The following SH3RF1 variants were observed in gnomAD, a reference collection of about 807,000 sequenced individuals.
SH3RF1 encodes SH3 domain containing ring finger 1, also known as E3 ubiquitin-protein ligase SH3RF1.
A neutral mutation model predicts 74.0 loss-of-function variants in SH3RF1; 32 were observed. That is an observed-to-expected ratio of 0.43 (90% CI 0.33 to 0.58). SH3RF1 has a LOEUF of 0.58. Ranked by LOEUF, SH3RF1 falls within the 20% of genes least tolerant of loss-of-function variation. The pLI, the probability that SH3RF1 is intolerant of heterozygous loss-of-function variation, is 0.05. For synonymous variants in SH3RF1, 396 were observed against 439.6 expected, an observed-to-expected ratio of 0.90 and a Z score of 1.24; for missense variants, 954 against 1,130.9, an observed-to-expected ratio of 0.84 and a Z score of 2.24.
chr4:169,209,387 T>C (rs942276221), intron 2 of SH3RF1, among the ~76,000 whole-genome samples: 1 of 152,088 alleles, frequency 6.6e-6, no homozygotes. Flanking sequence ...TCATCCGGGA[T>C]GCTTTCCCTG....
chr4:169,211,847 A>G (rs1730378950), intron 2 of SH3RF1, among the ~76,000 whole-genome samples: 2 of 152,166 alleles, frequency 1.3e-5, no homozygotes, highest in Non-Finnish European at 2.9e-5. Context: ...CATCTGGATA[A>G]CTGCACTCCT....
intron 4 of SH3RF1, among the ~76,000 whole-genome samples, chr4:169,145,502 T>TCAC (rs1376145537): frequency 6.6e-6 from 1 of 151,060 alleles, no homozygotes; most frequent in Non-Finnish European, 1.5e-5. Context: ...AGCCCAAACC[T>TCAC]CACCAATATG....
intron 6 of SH3RF1, 24 bp downstream of exon 6, chr4:169,130,021 TA>T: frequency 6.3e-7 from 1 of 1,589,670 alleles, no homozygotes; most frequent in Non-Finnish European, 8.6e-7. Flanking sequence ...AAAAGAGAAA[TA>T]AAAATGGGAG....
chr4:169,186,946 G>A (rs1234634158), intron 2 of SH3RF1, among the ~76,000 whole-genome samples: 12 of 151,166 alleles, frequency 7.9e-5, no homozygotes, highest in East Asian at 2.0e-4. Flanking sequence ...GCCAGGAGGC[G>A]GGGCTTGCAG....
chr4:169,239,872 A>C (rs899112727), intron 2 of SH3RF1, among the ~76,000 whole-genome samples: 2 of 152,080 alleles, frequency 1.3e-5, no homozygotes, highest in African/African-American at 4.8e-5. Flanking sequence ...AAAAATACAA[A>C]AATAAGCCGG....
Position 169,120,928 on chromosome 4 carries a change from C to T in SH3RF1, c.1408G>A (p.Glu470Lys), listed in dbSNP as rs1733426725. Residue 470 changes from glutamate to lysine, a missense_variant, in exon 8 of 12, where the codon GAG becomes AAG. By Grantham distance (56) the Glu-to-Lys change is moderately conservative. Coordinates refer to ENST00000284637, the MANE Select transcript of SH3RF1 (RefSeq NM_020870.4). ...CAGCGCTCAAACACTAAAAACATCT[C>T]CCCTTTTCTCAGCTCTAGTTCATCC... ...KEDELELRKGEMFLVFERCQD... is the reference protein window; with the variant it reads ...KEDELELRKGKMFLVFERCQD... 2 of 1,614,158 alleles carry T rather than the reference C, an allele frequency of 1.2e-6. No homozygotes were observed. Among genetic ancestry groups the T allele is most frequent in the African/African-American group, 1.3e-5 (1 of 75,050 alleles).
At chr4:169,250,577 T>C (rs149263883) in intron 2 of SH3RF1, among the ~76,000 whole-genome samples, 7 of 152,334 alleles carry the variant, frequency 4.6e-5, no homozygotes, top group African/African-American at 1.4e-4. Context: ...CAAATTCTTA[T>C]TGAGAACCTA....
At chr4:169,248,111 T>C (rs1237153254) in intron 2 of SH3RF1, among the ~76,000 whole-genome samples, 1 of 152,198 alleles carries the variant, frequency 6.6e-6, no homozygotes, top group East Asian at 1.9e-4. Context: ...CCAGAAATAC[T>C]ATTTGATCCA....
chr4:169,205,501 C>T (rs1296108371), intron 2 of SH3RF1, among the ~76,000 whole-genome samples: 1 of 152,110 alleles, frequency 6.6e-6, no homozygotes, highest in Non-Finnish European at 1.5e-5. Context: ...AACTGCAGGC[C>T]AATTTCCAGG....
intron 2 of SH3RF1, among the ~76,000 whole-genome samples, chr4:169,247,318 A>G (rs1731017847): frequency 6.6e-6 from 1 of 152,220 alleles, no homozygotes; most frequent in South Asian, 2.1e-4. Flanking sequence ...ATCTTCCCCC[A>G]AATAAATATT....
intron 2 of SH3RF1, among the ~76,000 whole-genome samples, chr4:169,237,196 G>A (rs1730835002): frequency 6.6e-6 from 1 of 152,222 alleles, no homozygotes; most frequent in African/African-American, 2.4e-5. Flanking sequence ...CAGAAGAGGA[G>A]TGATGTGATG....
intron 2 of SH3RF1, among the ~76,000 whole-genome samples, chr4:169,207,888 G>A (rs1158341376): frequency 6.6e-6 from 1 of 152,158 alleles, no homozygotes; most frequent in African/African-American, 2.4e-5. Flanking sequence ...TCCCCACAGA[G>A]CTGGACTCAG....
chr4:169,215,105 T>A lies in SH3RF1; in HGVS notation c.393+53715A>T, dbSNP rs140425882. 2.4e-4 allele frequency among the ~76,000 whole-genome samples: 36 copies of A among 152,298 alleles called. 1 individual carries two copies. Among genetic ancestry groups the A allele is most frequent in the African/African-American group, 7.9e-4 (33 of 41,560 alleles). Reference sequence around the variant, plus strand: ...TTATCTGTAGGATTTGGGGTAAATTTTTTTTCTTATCAAGTTGAGGTAGTC... The same window carrying A: ...TTATCTGTAGGATTTGGGGTAAATTATTTTTCTTATCAAGTTGAGGTAGTC... On this transcript the variant is annotated intron_variant, in intron 2 of 11. Coordinates refer to ENST00000284637, the MANE Select transcript of SH3RF1 (RefSeq NM_020870.4).
chr4:169,125,960 C>T (rs908844755), intron 6 of SH3RF1, among the ~76,000 whole-genome samples: 1 of 152,180 alleles, frequency 6.6e-6, no homozygotes, highest in Non-Finnish European at 1.5e-5. Flanking sequence ...CTACAAGAAA[C>T]AAGAGAGATA....
chr4:169,216,783 A>G (rs1165728498), intron 2 of SH3RF1, among the ~76,000 whole-genome samples: 1 of 152,200 alleles, frequency 6.6e-6, no homozygotes, highest in Non-Finnish European at 1.5e-5. Context: ...ATTTTTCAAC[A>G]TTATAACTTA....
At chr4:169,230,313 C>T (rs1157796064) in intron 2 of SH3RF1, among the ~76,000 whole-genome samples, 1 of 152,206 alleles carries the variant, frequency 6.6e-6, no homozygotes, top group Non-Finnish European at 1.5e-5. Context: ...ATTCAAAATA[C>T]TGACCCTCAA....
intron 4 of SH3RF1, among the ~76,000 whole-genome samples, chr4:169,142,048 G>A (rs71622326): frequency 0.097 from 14,768 of 152,050 alleles, 922 homozygotes; most frequent in South Asian, 0.17. Flanking sequence ...TCAATCTCCT[G>A]AGCTTGTGAT....
intron 2 of SH3RF1, among the ~76,000 whole-genome samples, chr4:169,159,938 A>C (rs1734124805): frequency 6.6e-6 from 1 of 152,236 alleles, no homozygotes; most frequent in African/African-American, 2.4e-5. Flanking sequence ...GTTGAACAGA[A>C]GAAATTACAA....
At chr4:169,218,324 ATACAGAT>A (rs1561055971) in intron 2 of SH3RF1, among the ~76,000 whole-genome samples, 23 of 56,702 alleles carry the variant, frequency 4.1e-4, no homozygotes, top group East Asian at 2.4e-3. Flanking sequence ...AGAATATAGA[ATACAGAT>A]TATAGAATAT....
Sources: allele counts gnomAD v4.1 joint callset (sites outside exome capture counted in the v4.1 genomes callset), GRCh38; gene constraint gnomAD v4.1.1; transcripts MANE v1.5; gene names NCBI Gene and HGNC (gene_info 2026-07-23, HGNC 2026-07-21).